LIMK2: variants seen among roughly 807,000 people sequenced by gnomAD.
LIMK2 encodes LIM domain kinase 2.
A neutral mutation model predicts 75.7 loss-of-function variants in LIMK2; 35 were observed. The observed-to-expected ratio is 0.46, with a 90% confidence interval of 0.35 to 0.61. LIMK2 has a LOEUF of 0.61. Among genes scored for constraint, LIMK2 ranks in the 20% least tolerant of loss-of-function variants. The probability of loss-of-function intolerance (pLI) is 0.00; values close to 1 mark genes in which losing one functional copy is unlikely to be tolerated. For synonymous variants in LIMK2, 301 were observed against 319.2 expected (o/e 0.94, Z 0.61); for missense variants, 623 against 831.0 (o/e 0.75, Z 3.08).
intron 2 of LIMK2, among the ~76,000 whole-genome samples, chr22:31,255,599 C>T (rs2048770349): frequency 6.6e-6 from 1 of 152,208 alleles, no homozygotes; most frequent in South Asian, 2.1e-4. Context: ...TCCCGCAGTG[C>T]TCAGAAGTAG....
chr22:31,276,192 G>A (rs930046806), intron 15 of LIMK2, among the ~76,000 whole-genome samples: 2 of 152,120 alleles, frequency 1.3e-5, no homozygotes, highest in South Asian at 2.1e-4. Flanking sequence ...CCGATATCAC[G>A]CCATTGCACT....
At position 31,245,764 on chromosome 22, in the gene LIMK2, TA is replaced by T. The variant is rs370217374; in HGVS notation, c.117-12526del. On this transcript the variant is annotated intron_variant, in intron 2 of 15. Transcript: ENST00000331728. ...TATATGACCTGTGATTTTTAATGGT[TA>T]GGGGAAAAAAAGCAAAAGAATGCTT... 2.4e-3 allele frequency among the ~76,000 whole-genome samples: 371 copies of T among 152,032 alleles called. 2 individuals are homozygous for T. The highest frequency in any genetic ancestry group is 8.7e-3 in the African/African-American group (361 of 41,472).
In LIMK2 at chr22:31,262,264, T is replaced by G. The variant is rs2048848473; in HGVS notation, c.657+25T>G. 1.3e-6 allele frequency: 2 copies of G among 1,539,408 alleles called. No homozygotes were observed. The highest frequency in any genetic ancestry group is 1.8e-6 in the Non-Finnish European group (2 of 1,111,896). ...GGTAGAGTGTGTGTCTAATCTGTCT[T>G]GTGAGGGTGGGACATGGAACAGATC... On this transcript the variant is annotated intron_variant, in intron 6 of 15. Coordinates refer to ENST00000331728, the MANE Select transcript of LIMK2 (RefSeq NM_005569.4). The surrounding 1 kb of genome is among the most constrained non-coding windows in gnomAD (Gnocchi z 5.0).
intron 2 of LIMK2, among the ~76,000 whole-genome samples, chr22:31,252,753 C>T (rs911304896): frequency 6.6e-6 from 1 of 152,120 alleles, no homozygotes; most frequent in Non-Finnish European, 1.5e-5. Context: ...TGGCTACCTT[C>T]TGTGAGCCAG....
intron 2 of LIMK2, among the ~76,000 whole-genome samples, chr22:31,239,854 A>G (rs1453125504): frequency 6.6e-6 from 1 of 152,196 alleles, no homozygotes; most frequent in Non-Finnish European, 1.5e-5. Context: ...AATAAAGTCC[A>G]TCCAGTATGC....
intron 1 of LIMK2, among the ~76,000 whole-genome samples, chr22:31,222,454 A>G (rs2048443745): frequency 7.4e-6 from 1 of 135,528 alleles, no homozygotes; most frequent in South Asian, 2.4e-4. Flanking sequence ...AGATTACTGC[A>G]ACCTCCACCT....
rs201315171 is a variant in LIMK2 at position 31,268,247 on chromosome 22, G to A, written c.1317+47G>A. ...GCCAGCAGGGCGAGAGTAGGGAGAG[G>A]TGTGAGAATTGTGGGCTTCACTGGA... On this transcript the variant is annotated intron_variant, in intron 11 of 15. Coordinates refer to ENST00000331728, the MANE Select transcript of LIMK2 (RefSeq NM_005569.4). The A allele has an allele frequency of 4.7e-4, 707 of 1,513,032 alleles. 5 individuals carry two copies. The highest frequency in any genetic ancestry group is 2.1e-4 in the Non-Finnish European group (227 of 1,087,724). 93.7% of individuals were successfully genotyped at this position (1,513,032 alleles called of 1,614,324 possible). A position where few individuals can be genotyped will look rare whatever the true frequency, so the allele number is the denominator to read the frequency against.
chr22:31,239,979 C>G (rs781481910), intron 2 of LIMK2, among the ~76,000 whole-genome samples: 16 of 152,162 alleles, frequency 1.1e-4, no homozygotes, highest in Non-Finnish European at 1.8e-4. Context: ...AATGTCATCC[C>G]TAAGTCTTAA....
At chr22:31,252,945 T>C (rs959947111) in intron 2 of LIMK2, among the ~76,000 whole-genome samples, 3 of 152,160 alleles carry the variant, frequency 2.0e-5, no homozygotes, top group Admixed American at 6.5e-5. Flanking sequence ...CTCAACTGAT[T>C]ATCTTTTTTA....
intron 11 of LIMK2, among the ~76,000 whole-genome samples, chr22:31,268,920 T>A (rs1385633464): frequency 6.6e-6 from 1 of 152,184 alleles, no homozygotes; most frequent in Non-Finnish European, 1.5e-5. Context: ...ATGAAAATAG[T>A]AGTAGTCTGG....
chr22:31,236,316 C>G (rs1601410615), intron 2 of LIMK2, among the ~76,000 whole-genome samples: 1 of 136,374 alleles, frequency 7.3e-6, no homozygotes, highest in East Asian at 2.1e-4. Context: ...AAAAAACAAA[C>G]TGGAGATACA....
intron 2 of LIMK2, 142 bp downstream of exon 2, chr22:31,225,961 T>C (rs757159992): frequency 1.4e-6 from 1 of 693,208 alleles, no homozygotes; most frequent in Non-Finnish European, 2.5e-6. Context: ...AAGGAAGAGC[T>C]CATGACCAAA....
chr22:31,263,279 T>C (rs547090019), intron 7 of LIMK2, among the ~76,000 whole-genome samples: 3 of 152,108 alleles, frequency 2.0e-5, no homozygotes, highest in Non-Finnish European at 2.9e-5. Context: ...AAGCCCCAAG[T>C]AGGGAGACTT....
intron 12 of LIMK2, 112 bp from the exon 13 acceptor site, chr22:31,272,418 T>C: frequency 1.0e-6 from 1 of 992,626 alleles, no homozygotes; most frequent in Non-Finnish European, 1.5e-6. Flanking sequence ...GATTCTCCCT[T>C]GCTATACACC....
At chr22:31,238,992 A>G (rs1044882685) in intron 2 of LIMK2, among the ~76,000 whole-genome samples, 72 of 152,344 alleles carry the variant, frequency 4.7e-4, no homozygotes, top group African/African-American at 1.7e-3. Context: ...GCAACAGTGG[A>G]TGATTATCTA....
intron 1 of LIMK2, among the ~76,000 whole-genome samples, chr22:31,223,955 T>C (rs951346189): frequency 6.6e-6 from 1 of 152,186 alleles, no homozygotes; most frequent in African/African-American, 2.4e-5. Context: ...TCCAGAATGA[T>C]GTTGAGCAAT....
At chr22:31,259,336 A>T (rs2048815424) in intron 4 of LIMK2, 106 bp downstream of exon 4, 1 of 686,284 alleles carries the variant, frequency 1.5e-6, no homozygotes, top group African/African-American at 1.7e-5. Context: ...TAGTCAGAGC[A>T]TTGGATTCTT....
chr22:31,217,328 C>T (rs2048396544), intron 1 of LIMK2, among the ~76,000 whole-genome samples: 1 of 151,532 alleles, frequency 6.6e-6, no homozygotes, highest in Non-Finnish European at 1.5e-5. Context: ...ACCTGGGAGG[C>T]AGAGGTTGCA....
chr22:31,266,176 C>T, intron 8 of LIMK2, 44 bp downstream of exon 8: 1 of 1,586,804 alleles, frequency 6.3e-7, no homozygotes, highest in Non-Finnish European at 8.6e-7. Flanking sequence ...CCCCCAGTCC[C>T]TCTGTCACTG....
Sources: allele counts gnomAD v4.1 joint callset (sites outside exome capture counted in the v4.1 genomes callset), GRCh38; gene constraint gnomAD v4.1.1; non-coding constraint Gnocchi (gnomAD v3.1); transcripts MANE v1.5; gene names NCBI Gene and HGNC (gene_info 2026-07-23, HGNC 2026-07-21).